PIGX: variants seen among roughly 807,000 people sequenced by gnomAD.
PIGX encodes phosphatidylinositol glycan anchor biosynthesis class X, also known as GPI alpha-1,4-mannosyltransferase I, stabilizing subunit.
Under a neutral mutation model 28.7 loss-of-function variants are expected in PIGX, and 24 were observed. That is an observed-to-expected ratio of 0.84 (90% CI 0.60 to 1.17). PIGX has a LOEUF of 1.17. Ranked by LOEUF, PIGX falls within the 50% of genes most tolerant of loss-of-function variation. The pLI, the probability that PIGX is intolerant of heterozygous loss-of-function variation, is 0.00. For missense variants in PIGX, 305 were observed against 317.8 expected, an observed-to-expected ratio of 0.96 and a Z score of 0.31; for synonymous variants, 127 against 121.0, an observed-to-expected ratio of 1.05 and a Z score of -0.33.
At chr3:196,716,275 T>C (rs1451186759) in intron 1 of PIGX, among the ~76,000 whole-genome samples, 2 of 152,188 alleles carry the variant, frequency 1.3e-5, no homozygotes, top group East Asian at 3.8e-4. Flanking sequence ...CTTTTTGTTT[T>C]TTTTTTAAAC....
rs887875186 is a variant in PIGX at position 196,714,935 on chromosome 3, G to A, written c.113-1923G>A. Among the ~76,000 whole-genome samples the A allele has an allele frequency of 3.9e-5, 6 of 152,106 alleles. No homozygotes were observed. In the South Asian group the frequency reaches 1.2e-3, roughly 32 times the overall value. On this transcript the variant is annotated intron_variant, in intron 1 of 5. Transcript: ENST00000392391. Reference sequence around the variant, plus strand: ...TACTAAAAATACAAGAATTAGCCGGGCGTAGTGGCGCGTGCCTGTAGTCCC... The same window carrying A: ...TACTAAAAATACAAGAATTAGCCGGACGTAGTGGCGCGTGCCTGTAGTCCC...
chr3:196,733,796 T>TG lies in PIGX; in HGVS notation c.672dup (p.Thr225AspfsTer39), dbSNP rs1215365918. 3 of 1,580,950 alleles carry TG rather than the reference T, an allele frequency of 1.9e-6. No individual in the cohort carries two copies. The highest frequency in any genetic ancestry group is 2.6e-6 in the Non-Finnish European group (3 of 1,149,786). On this transcript the variant is annotated frameshift_variant, in exon 6 of 6. Transcript: ENST00000392391. LOFTEE classifies it high-confidence loss of function. The surrounding 1 kb of genome is among the most constrained non-coding windows in gnomAD (Gnocchi z 4.3). Reference sequence around the variant, plus strand: ...GTGATTCTACAAGTTCCAGTGGGACTGACTGTACATACCTCTCTAGTATGT... The same window carrying TG: ...GTGATTCTACAAGTTCCAGTGGGACTGGACTGTACATACCTCTCTAGTATGT...
At chr3:196,713,670 A>G (rs1368239618) in intron 1 of PIGX, among the ~76,000 whole-genome samples, 1 of 151,754 alleles carries the variant, frequency 6.6e-6, no homozygotes, top group Non-Finnish European at 1.5e-5. Flanking sequence ...GCATTTTATA[A>G]TTGAAAAGGG....
intron 3 of PIGX, among the ~76,000 whole-genome samples, chr3:196,725,427 G>A (rs1712483522): frequency 6.6e-6 from 1 of 152,178 alleles, no homozygotes. Flanking sequence ...CTGTCATCCA[G>A]CTTATTTCCT....
At chr3:196,732,966 A>T (rs1176477572) in intron 5 of PIGX, among the ~76,000 whole-genome samples, 2 of 152,210 alleles carry the variant, frequency 1.3e-5, no homozygotes, top group East Asian at 3.8e-4. Context: ...GGGAATAACA[A>T]GGCTTTAAAA....
chr3:196,725,296 C>G (rs1384025826), intron 3 of PIGX, among the ~76,000 whole-genome samples: 1 of 151,958 alleles, frequency 6.6e-6, no homozygotes, highest in Non-Finnish European at 1.5e-5. Flanking sequence ...CAAATTTAGT[C>G]TCTTACTTGA....
chr3:196,721,785 C>G (rs1160461885), intron 2 of PIGX, among the ~76,000 whole-genome samples: 1 of 150,196 alleles, frequency 6.7e-6, no homozygotes, highest in Non-Finnish European at 1.5e-5. Context: ...TGGGGATTTG[C>G]TCTGTCACCC....
chr3:196,733,929 A>T lies in PIGX; in HGVS notation c.*27A>T. 7.4e-7 allele frequency: 1 copy of T among 1,359,784 alleles called. No individual in the cohort carries two copies. The highest frequency in any genetic ancestry group is 1.1e-6 in the Non-Finnish European group (1 of 951,210). The allele number at this position is 1,359,784 out of a possible 1,614,324, so 84.2% of individuals were successfully genotyped here. Reference sequence around the variant, plus strand: ...TTTTATGTAGTTAAATGCTTCCTAGAAACCTAAATAAGATCTATTAATTTC... The same window carrying T: ...TTTTATGTAGTTAAATGCTTCCTAGTAACCTAAATAAGATCTATTAATTTC... On this transcript the variant is annotated 3_prime_UTR_variant, in exon 6 of 6. Transcript: ENST00000392391. This position sits in a 1 kb window ranked among gnomAD's most constrained non-coding sequence, Gnocchi z 4.3.
At chr3:196,723,282 A>G (rs1218649727) in intron 3 of PIGX, among the ~76,000 whole-genome samples, 1 of 152,242 alleles carries the variant, frequency 6.6e-6, no homozygotes, top group East Asian at 1.9e-4. Context: ...CGGAGGTTGC[A>G]GTGAGCCGAG....
chr3:196,732,216 T>TTTTATATA (rs1553797085), intron 5 of PIGX, among the ~76,000 whole-genome samples: 1 of 51,378 alleles, frequency 1.9e-5, no homozygotes, highest in South Asian at 8.3e-4. Flanking sequence ...TATATATTAT[T>TTTTATATA]TATATATATA....
At chr3:196,730,223 A>G (rs1254419490) in intron 4 of PIGX, among the ~76,000 whole-genome samples, 7 of 152,136 alleles carry the variant, frequency 4.6e-5, no homozygotes, top group Admixed American at 2.6e-4. Flanking sequence ...TTCTGTTTCT[A>G]TTAAAGGTAC....
At chr3:196,712,730 C>A (rs931584071) in intron 1 of PIGX, 86 bp downstream of exon 1, 59 of 1,118,670 alleles carry the variant, frequency 5.3e-5, no homozygotes, top group Non-Finnish European at 6.2e-5. Context: ...ATGTGGGGAC[C>A]CGGCGCGGGA....
intron 5 of PIGX, among the ~76,000 whole-genome samples, chr3:196,731,736 T>C (rs138877722): frequency 6.6e-6 from 1 of 152,316 alleles, no homozygotes; most frequent in African/African-American, 2.4e-5. Context: ...ATGCTTAGTG[T>C]TTATGATTTA....
chr3:196,727,391 A>ATTT (rs1217845956), intron 3 of PIGX, among the ~76,000 whole-genome samples: 1 of 152,038 alleles, frequency 6.6e-6, no homozygotes, highest in Non-Finnish European at 1.5e-5. Context: ...ATCATTTACT[A>ATTT]TTTTTTCCAT....
At chr3:196,722,886 A>G (rs929586002) in intron 3 of PIGX, among the ~76,000 whole-genome samples, 31 of 152,248 alleles carry the variant, frequency 2.0e-4, no homozygotes, top group African/African-American at 6.8e-4. Flanking sequence ...ATACCCCAAC[A>G]TCTGGGTAAG....
rs530004591 is a variant in PIGX, at chr3:196,713,323, A to G, written c.112+679A>G. On this transcript the variant is annotated intron_variant, in intron 1 of 5. Coordinates refer to ENST00000392391, the MANE Select transcript of PIGX (RefSeq NM_017861.4). ...AGGCCAAGAAGATTTTTTTTTTGAG[A>G]TGGAGTCTCACTCTGTTGCCAGGCT... is the stretch of plus-strand genomic sequence containing the variant. 1.8e-4 allele frequency among the ~76,000 whole-genome samples: 27 copies of G among 149,982 alleles called. 1 individual carries two copies. The South Asian group carries it at 5.6e-3, about 31-fold the overall frequency.
At position 196,718,956 on chromosome 3, in the gene PIGX, C is replaced by T. The variant is rs115208064; in HGVS notation, c.176+2035C>T. Among the ~76,000 whole-genome samples the T allele has an allele frequency of 2.5e-3, 384 of 152,092 alleles. 1 individual carries two copies. The highest frequency in any genetic ancestry group is 9.0e-3 in the African/African-American group (372 of 41,476). ...TTATGACTGACAATATTCCTTGTCC[C>T]GAAGTCACCTTATTCTAATATTAAT... On this transcript the variant is annotated intron_variant, in intron 2 of 5. Coordinates refer to ENST00000392391, the MANE Select transcript of PIGX (RefSeq NM_017861.4).
At chr3:196,721,722 C>T (rs1712330351) in intron 2 of PIGX, among the ~76,000 whole-genome samples, 1 of 151,964 alleles carries the variant, frequency 6.6e-6, no homozygotes, top group South Asian at 2.1e-4. Context: ...GCTGGGATTA[C>T]AGGCATGAGC....
rs187349418 is a variant in PIGX, at chr3:196,713,658, T to C, written c.112+1014T>C. Among the ~76,000 whole-genome samples, 342 of 151,938 alleles carry C rather than the reference T, an allele frequency of 2.3e-3. 2 individuals carry two copies. Among genetic ancestry groups the C allele is most frequent in the African/African-American group, 6.6e-3 (273 of 41,444 alleles). ...GGTAATCTGTAGAGGCTTCCAACGT[T>C]AGCATTTTATAATTGAAAAGGGGTC... On this transcript the variant is annotated intron_variant, in intron 1 of 5. Coordinates refer to ENST00000392391, the MANE Select transcript of PIGX (RefSeq NM_017861.4).
Sources: gnomAD v4.1 joint callset for allele counts (sites outside exome capture counted in the v4.1 genomes callset) on GRCh38, gnomAD v4.1.1 for gene constraint, Gnocchi (gnomAD v3.1) non-coding constraint, MANE v1.5 for transcripts, NCBI Gene and HGNC (gene_info 2026-07-23, HGNC 2026-07-21) for gene names.